Variants in CCDC148 observed in about 807,000 individuals in gnomAD.
CCDC148 encodes coiled-coil domain containing 148.
CCDC148 carries 89 observed loss-of-function variants against 85.7 expected under a neutral mutation model. The ratio of observed to expected loss-of-function variants is 1.04; its 90% CI spans 0.87 to 1.24. The LOEUF (loss-of-function observed/expected upper bound fraction) is 1.24, where lower values mean the gene tolerates loss of function less well. Ranked by LOEUF, CCDC148 falls within the 50% of genes most tolerant of loss-of-function variation. The pLI is 0.00. For missense variants in CCDC148, 692 were observed against 671.7 expected (o/e 1.03, Z -0.33); for synonymous variants, 230 against 213.9 (o/e 1.08, Z -0.66).
chr2:158,180,906 A>G (rs963577471), intron 11 of CCDC148, among the ~76,000 whole-genome samples: 1 of 152,102 alleles, frequency 6.6e-6, no homozygotes, highest in Non-Finnish European at 1.5e-5. Context: ...ATCAGGAGTC[A>G]ATATAGTCAA....
intron 1 of CCDC148, among the ~76,000 whole-genome samples, chr2:158,377,378 T>C (rs962123746): frequency 6.6e-6 from 1 of 151,548 alleles, no homozygotes; most frequent in African/African-American, 2.4e-5. Flanking sequence ...ATCAAATACT[T>C]TGTTTCAAAA....
At chr2:158,351,045 C>G (rs2105256045) in intron 2 of CCDC148, among the ~76,000 whole-genome samples, 1 of 152,262 alleles carries the variant, frequency 6.6e-6, no homozygotes, top group African/African-American at 2.4e-5. Flanking sequence ...ATTCCAAAAT[C>G]ACTTCCTCAG....
At chr2:158,348,317 G>GAAA (rs1559087815) in intron 2 of CCDC148, among the ~76,000 whole-genome samples, 4 of 151,678 alleles carry the variant, frequency 2.6e-5, no homozygotes, top group African/African-American at 9.7e-5. Flanking sequence ...ACAAGAAACA[G>GAAA]AAAAACATGT....
At chr2:158,177,298 AAAG>A (rs979224628) in intron 12 of CCDC148, among the ~76,000 whole-genome samples, 5 of 152,056 alleles carry the variant, frequency 3.3e-5, no homozygotes, top group Admixed American at 1.3e-4. Flanking sequence ...ATCTTAATGA[AAAG>A]AAGTCACTAA....
intron 1 of CCDC148, among the ~76,000 whole-genome samples, chr2:158,440,140 A>T (rs1289081741): frequency 6.6e-6 from 1 of 152,096 alleles, no homozygotes; most frequent in East Asian, 1.9e-4. Flanking sequence ...AGGTGCTGAG[A>T]TTACAGGTGT....
chr2:158,235,574 T>G (rs1053439117), intron 10 of CCDC148, among the ~76,000 whole-genome samples: 3 of 152,194 alleles, frequency 2.0e-5, no homozygotes, highest in African/African-American at 7.2e-5. Context: ...TCTCTATTAT[T>G]AGCAAATAAG....
intron 9 of CCDC148, among the ~76,000 whole-genome samples, chr2:158,259,623 CT>C (rs10712609): frequency 0.6 from 91,647 of 151,700 alleles, 28,591 homozygotes; most frequent in East Asian, 0.8. Context: ...GCTCAAGCCT[CT>C]TAATAGCAGT....
chr2:158,412,868 A>C (rs908496509), intron 1 of CCDC148, among the ~76,000 whole-genome samples: 126 of 121,728 alleles, frequency 1.0e-3, no homozygotes, highest in African/African-American at 3.5e-3. Flanking sequence ...TATTATTATT[A>C]TACTTTAAGT....
intron 10 of CCDC148, among the ~76,000 whole-genome samples, chr2:158,231,622 T>C (rs1687860552): frequency 6.6e-6 from 1 of 152,166 alleles, no homozygotes; most frequent in African/African-American, 2.4e-5. Flanking sequence ...CAGCTAGGTG[T>C]ACCTTCTAAG....
intron 1 of CCDC148, among the ~76,000 whole-genome samples, chr2:158,432,424 G>A (rs139571261): frequency 5.3e-5 from 8 of 152,104 alleles, no homozygotes; most frequent in Non-Finnish European, 1.2e-4. Context: ...ATACAAGAAT[G>A]GCAAAAGATA....
chr2:158,390,623 C>A (rs1181880191), intron 1 of CCDC148, among the ~76,000 whole-genome samples: 1 of 152,108 alleles, frequency 6.6e-6, no homozygotes, highest in Non-Finnish European at 1.5e-5. Context: ...CATACCAAAG[C>A]TTAACAGCTG....
intron 9 of CCDC148, among the ~76,000 whole-genome samples, chr2:158,268,222 T>C (rs766757960): frequency 1.4e-4 from 22 of 152,300 alleles, no homozygotes; most frequent in African/African-American, 3.4e-4. Context: ...AGGGTTCCAG[T>C]TGTGCTTCTT....
intron 1 of CCDC148, among the ~76,000 whole-genome samples, chr2:158,373,739 T>C (rs1354503949): frequency 1.3e-5 from 2 of 152,094 alleles, no homozygotes; most frequent in African/African-American, 2.4e-5. Context: ...GGCAATGTCA[T>C]CTAAAGTAGT....
chr2:158,346,381 C>T (rs1574660544), intron 2 of CCDC148, among the ~76,000 whole-genome samples: 1 of 152,186 alleles, frequency 6.6e-6, no homozygotes, highest in South Asian at 2.1e-4. Context: ...ACTACGGTTC[C>T]AACTATCTCC....
chr2:158,343,824 G>C lies in CCDC148; in HGVS notation c.251+1391C>G, dbSNP rs1232629214. On this transcript the variant is annotated intron_variant, in intron 3 of 13. Coordinates refer to ENST00000283233, the MANE Select transcript of CCDC148 (RefSeq NM_138803.4). ...TTAGCCTGCATTCTAGAATAACATAGAAACTTATCCTGGAATTCTTCATTT... is the reference window on the plus strand; with the variant it reads ...TTAGCCTGCATTCTAGAATAACATACAAACTTATCCTGGAATTCTTCATTT... Among the ~76,000 whole-genome samples, 4 of 152,192 alleles carry C rather than the reference G, an allele frequency of 2.6e-5. No homozygotes were observed. In the South Asian group the frequency reaches 6.2e-4, roughly 24 times the overall value.
chr2:158,266,065 T>A (rs925260715), intron 9 of CCDC148, among the ~76,000 whole-genome samples: 2 of 152,168 alleles, frequency 1.3e-5, no homozygotes, highest in African/African-American at 4.8e-5. Context: ...TTATCCCATG[T>A]CAATCCACCT....
intron 5 of CCDC148, 55 bp from the exon 6 acceptor site, chr2:158,339,140 T>C (rs1026062109): frequency 1.6e-6 from 2 of 1,220,476 alleles, no homozygotes; most frequent in Admixed American, 1.7e-5. Flanking sequence ...ATTCCATATT[T>C]ATATTTAAAG....
At chr2:158,342,910 G>A (rs1441439872) in intron 3 of CCDC148, among the ~76,000 whole-genome samples, 2 of 152,122 alleles carry the variant, frequency 1.3e-5, no homozygotes, top group Non-Finnish European at 2.9e-5. Flanking sequence ...AAATAAAACT[G>A]TATAAATGTA....
At chr2:158,322,121 T>C (rs1692547835) in intron 7 of CCDC148, among the ~76,000 whole-genome samples, 1 of 152,190 alleles carries the variant, frequency 6.6e-6, no homozygotes, top group Middle Eastern at 3.2e-3. Context: ...GAATTTTTCA[T>C]GCCCTTTGAC....
Sources: gnomAD v4.1 joint callset for allele counts (sites outside exome capture counted in the v4.1 genomes callset) on GRCh38, gnomAD v4.1.1 for gene constraint, MANE v1.5 for transcripts, NCBI Gene and HGNC (gene_info 2026-07-23, HGNC 2026-07-21) for gene names.